The following SLC39A11 variants were observed in gnomAD, a reference collection of about 807,000 sequenced individuals.
The protein encoded by SLC39A11 is solute carrier family 39 member 11.
Under a neutral mutation model 36.1 loss-of-function variants are expected in SLC39A11, and 33 were observed. That is an observed-to-expected ratio of 0.91 (90% CI 0.69 to 1.22). The LOEUF (loss-of-function observed/expected upper bound fraction) is 1.22, where lower values mean the gene tolerates loss of function less well. SLC39A11 is among the 50% of genes most tolerant of loss of function. The pLI, the probability that SLC39A11 is intolerant of heterozygous loss-of-function variation, is 0.00. For missense variants in SLC39A11, 432 were observed against 430.3 expected, an observed-to-expected ratio of 1.00 and a Z score of -0.03; for synonymous variants, 166 against 170.3, an observed-to-expected ratio of 0.97 and a Z score of 0.20.
intron 4 of SLC39A11, among the ~76,000 whole-genome samples, chr17:73,003,905 G>A (rs1480054414): frequency 2.0e-5 from 3 of 151,998 alleles, no homozygotes; most frequent in African/African-American, 7.3e-5. Flanking sequence ...GGCCAACATG[G>A]TGAAACCCCG....
intron 6 of SLC39A11, among the ~76,000 whole-genome samples, chr17:72,750,371 C>T (rs959997270): frequency 1.3e-5 from 2 of 150,322 alleles, no homozygotes; most frequent in Non-Finnish European, 3.0e-5. Context: ...TCCCACAGGC[C>T]GTACATGGGC....
chr17:72,832,879 T>C (rs2078348668), intron 6 of SLC39A11, among the ~76,000 whole-genome samples: 1 of 152,198 alleles, frequency 6.6e-6, no homozygotes, highest in South Asian at 2.1e-4. Flanking sequence ...ATTAAACCTG[T>C]TATTTGCTGG....
At chr17:72,803,917 G>T (rs527869313) in intron 6 of SLC39A11, among the ~76,000 whole-genome samples, 1 of 148,766 alleles carries the variant, frequency 6.7e-6, no homozygotes, top group South Asian at 2.1e-4. Flanking sequence ...TTCCACACAA[G>T]ACAAACTCTT....
chr17:72,866,827 C>G (rs1289278470), intron 5 of SLC39A11, among the ~76,000 whole-genome samples: 1 of 152,126 alleles, frequency 6.6e-6, no homozygotes, highest in Non-Finnish European at 1.5e-5. Flanking sequence ...ATTTTTCTTT[C>G]AAAAGTCAGA....
chr17:72,788,795 G>T (rs1264760086), intron 6 of SLC39A11, among the ~76,000 whole-genome samples: 2 of 152,214 alleles, frequency 1.3e-5, no homozygotes, highest in Non-Finnish European at 2.9e-5. Context: ...CAAAGGCTGG[G>T]ATCAGATGCT....
chr17:72,836,404 G>A (rs1343123420), intron 6 of SLC39A11, among the ~76,000 whole-genome samples: 5 of 151,314 alleles, frequency 3.3e-5, no homozygotes, highest in African/African-American at 9.7e-5. Flanking sequence ...GCAGCGGCAC[G>A]ATCTCAGTTT....
intron 7 of SLC39A11, among the ~76,000 whole-genome samples, chr17:72,699,825 T>C (rs2072521750): frequency 6.6e-6 from 1 of 152,170 alleles, no homozygotes; most frequent in Admixed American, 6.5e-5. Context: ...TTCATCTTAC[T>C]TGGCAGGGGA....
At chr17:72,900,183 AAGAAAG>A (rs2082300404) in intron 5 of SLC39A11, among the ~76,000 whole-genome samples, 1 of 149,020 alleles carries the variant, frequency 6.7e-6, no homozygotes, top group African/African-American at 2.5e-5. Flanking sequence ...GAAAGAAAGA[AAGAAAG>A]AAAGAAAGAA....
chr17:72,924,786 G>A (rs1013300270), intron 5 of SLC39A11, among the ~76,000 whole-genome samples: 6 of 152,102 alleles, frequency 3.9e-5, no homozygotes, highest in Admixed American at 6.5e-5. Flanking sequence ...GGTGGATCAC[G>A]AGGTCAGGAG....
chr17:73,007,744 A>T (rs2090264610), intron 4 of SLC39A11, among the ~76,000 whole-genome samples: 1 of 152,180 alleles, frequency 6.6e-6, no homozygotes, highest in East Asian at 1.9e-4. Context: ...GAAAAAGAGG[A>T]AAAAGGCCTG....
chr17:72,827,025 C>T (rs1323755956), intron 6 of SLC39A11, among the ~76,000 whole-genome samples: 3 of 152,094 alleles, frequency 2.0e-5, no homozygotes, highest in East Asian at 3.8e-4. Context: ...ATGAAAATGC[C>T]GTTATACAAA....
chr17:72,723,270 C>T (rs1373512349), intron 7 of SLC39A11, among the ~76,000 whole-genome samples: 2 of 151,796 alleles, frequency 1.3e-5, no homozygotes, highest in African/African-American at 2.4e-5. Flanking sequence ...GAAATGAGCA[C>T]GTGTCTTAAA....
intron 4 of SLC39A11, among the ~76,000 whole-genome samples, chr17:72,949,761 C>G (rs2085727763): frequency 6.6e-6 from 1 of 151,908 alleles, no homozygotes; most frequent in African/African-American, 2.4e-5. Flanking sequence ...CAGGCCACAG[C>G]ACCAAGCAGA....
intron 4 of SLC39A11, among the ~76,000 whole-genome samples, chr17:72,971,882 G>A (rs1186531765): frequency 6.6e-6 from 1 of 152,180 alleles, no homozygotes; most frequent in African/African-American, 2.4e-5. Flanking sequence ...TATCTACAAA[G>A]CACCTACGGT....
intron 4 of SLC39A11, among the ~76,000 whole-genome samples, chr17:72,951,963 G>A (rs2085893459): frequency 6.6e-6 from 1 of 152,006 alleles, no homozygotes; most frequent in Non-Finnish European, 1.5e-5. Context: ...TTCGGGGCAG[G>A]GAGACGAGCA....
At chr17:72,672,038 C>A (rs1444133091) in intron 7 of SLC39A11, among the ~76,000 whole-genome samples, 1 of 151,038 alleles carries the variant, frequency 6.6e-6, no homozygotes, top group African/African-American at 2.4e-5. Context: ...CATACACATA[C>A]ACACACAAAC....
chr17:73,054,691 C>T (rs1300450249), intron 3 of SLC39A11, among the ~76,000 whole-genome samples: 1 of 151,696 alleles, frequency 6.6e-6, no homozygotes, highest in Non-Finnish European at 1.5e-5. Flanking sequence ...GCCTATAATC[C>T]CAACTACTCA....
At chr17:72,927,239 T>TA (rs34012996) in intron 5 of SLC39A11, among the ~76,000 whole-genome samples, 17 of 150,326 alleles carry the variant, frequency 1.1e-4, no homozygotes, top group South Asian at 8.4e-4. Context: ...TTGGTAGAGA[T>TA]AAAAAAAAAA....
At chr17:72,662,203 G>T (rs1311450921) in intron 7 of SLC39A11, among the ~76,000 whole-genome samples, 1 of 152,048 alleles carries the variant, frequency 6.6e-6, no homozygotes, top group Non-Finnish European at 1.5e-5. Flanking sequence ...GGAGTTTGAG[G>T]CTGTAGTACT....
Sources: gnomAD v4.1 joint callset for allele counts (sites outside exome capture counted in the v4.1 genomes callset) on GRCh38, gnomAD v4.1.1 for gene constraint, MANE v1.5 for transcripts, NCBI Gene and HGNC (gene_info 2026-07-23, HGNC 2026-07-21) for gene names.